Variants in PTPN13 observed in about 807,000 individuals in gnomAD.
The protein encoded by PTPN13 is tyrosine-protein phosphatase non-receptor type 13.
In PTPN13, 191 loss-of-function variants were observed where a neutral mutation model predicts 284.0. The ratio of observed to expected loss-of-function variants is 0.67; its 90% CI spans 0.60 to 0.76. PTPN13 has a LOEUF of 0.76. Ranked by LOEUF, PTPN13 falls within the 30% of genes least tolerant of loss-of-function variation. PTPN13 has a pLI of 0.00. For missense variants in PTPN13, 2,797 were observed against 2,939.9 expected, an observed-to-expected ratio of 0.95 and a Z score of 1.12; for synonymous variants, 986 against 1,022.3, an observed-to-expected ratio of 0.96 and a Z score of 0.68.
chr4:86,612,859 C>T (rs1342712874), intron 1 of PTPN13, among the ~76,000 whole-genome samples: 1 of 152,086 alleles, frequency 6.6e-6, no homozygotes, highest in Non-Finnish European at 1.5e-5. Context: ...AAATTTCTAC[C>T]CAAAGAAAAT....
chr4:86,786,701 T>G (rs1364718673), intron 40 of PTPN13, among the ~76,000 whole-genome samples: 1 of 152,220 alleles, frequency 6.6e-6, no homozygotes, highest in African/African-American at 2.4e-5. Context: ...AAGTCATGAC[T>G]TTATCACATT....
chr4:86,814,089 C>T lies in PTPN13; in HGVS notation c.7363-367C>T, dbSNP rs1400589486. ...GTGGCACAATCTCGGCTCACTGCAA[C>T]CTCCGCCTCCTGTGTCAAGCGATTC... On this transcript the variant is annotated intron_variant, in intron 47 of 47. Transcript: ENST00000411767. Among the ~76,000 whole-genome samples the T allele has an allele frequency of 3.4e-5, 5 of 145,586 alleles. No homozygotes were observed. In the Admixed American group the frequency reaches 3.5e-4, roughly 10 times the overall value.
intron 38 of PTPN13, 112 bp downstream of exon 38, chr4:86,784,670 G>A: frequency 3.0e-6 from 2 of 668,300 alleles, no homozygotes; most frequent in African/African-American, 1.9e-5. Flanking sequence ...TAGCTTTAAA[G>A]GGAAAGATTA....
At chr4:86,760,964 G>C (rs2149242805) in intron 23 of PTPN13, among the ~76,000 whole-genome samples, 1 of 151,478 alleles carries the variant, frequency 6.6e-6, no homozygotes, top group East Asian at 1.9e-4. Context: ...GTTTTTGTTT[G>C]CTAATTTTTA....
intron 6 of PTPN13, among the ~76,000 whole-genome samples, chr4:86,695,240 CAT>C (rs1450281690): frequency 6.6e-6 from 1 of 151,930 alleles, no homozygotes; most frequent in African/African-American, 2.4e-5. Flanking sequence ...TTTTCTAATG[CAT>C]ATATGATTAG....
At chr4:86,630,911 T>C (rs1213169743) in intron 1 of PTPN13, among the ~76,000 whole-genome samples, 1 of 152,200 alleles carries the variant, frequency 6.6e-6, no homozygotes, top group Non-Finnish European at 1.5e-5. Context: ...TAGAATCTCC[T>C]TGTGGCTTTG....
intron 2 of PTPN13, among the ~76,000 whole-genome samples, chr4:86,638,857 G>A (rs1012007514): frequency 6.6e-6 from 1 of 152,114 alleles, no homozygotes; most frequent in Non-Finnish European, 1.5e-5. Flanking sequence ...AAGAGCTTCT[G>A]CACAGCAAAA....
At chr4:86,763,464 G>T (rs879669613) in intron 24 of PTPN13, among the ~76,000 whole-genome samples, 1 of 152,136 alleles carries the variant, frequency 6.6e-6, no homozygotes, top group Admixed American at 6.5e-5. Context: ...CCAGTTGTTT[G>T]TCTCTGGCAT....
At chr4:86,780,524 A>C in intron 36 of PTPN13, 52 bp downstream of exon 36, 2 of 1,216,024 alleles carry the variant, frequency 1.6e-6, no homozygotes, top group Non-Finnish European at 2.4e-6. Context: ...GGAATGTAAA[A>C]TGGCACATCC....
chr4:86,765,026 C>T (rs58965805), intron 25 of PTPN13, among the ~76,000 whole-genome samples: 7,037 of 152,158 alleles, frequency 0.046, 540 homozygotes, highest in African/African-American at 0.16. Flanking sequence ...TTGACAGTTT[C>T]TACGTGAGCA....
Position 86,785,334 on chromosome 4 carries a change from C to G in PTPN13, c.6222C>G (p.Asn2074Lys). The G allele has an allele frequency of 1.9e-6, 3 of 1,611,482 alleles. No individual in the cohort carries two copies. Among genetic ancestry groups the G allele is most frequent in the Non-Finnish European group, 2.5e-6 (3 of 1,178,402 alleles). ...VVDEEAQNLLNENNAAGYSCG... is the reference protein window; with the variant it reads ...VVDEEAQNLLKENNAAGYSCG... ...ATGAGGAAGCCCAGAATCTTTTAAACGAAAATAATGCAGCAGGATACTCCT... is the reference window on the plus strand; with the variant it reads ...ATGAGGAAGCCCAGAATCTTTTAAAGGAAAATAATGCAGCAGGATACTCCT... The change falls in exon 39 of 48, where the codon AAC becomes AAG. Residue 2074 changes from asparagine to lysine, a missense_variant. Coordinates refer to ENST00000411767, the MANE Select transcript of PTPN13 (RefSeq NM_080683.3).
chr4:86,631,280 T>C (rs112703129), intron 1 of PTPN13, among the ~76,000 whole-genome samples: 4,906 of 152,252 alleles, frequency 0.032, 150 homozygotes, highest in Non-Finnish European at 0.05. Context: ...CCCTCCATTT[T>C]CTTTTTTCTT....
At chr4:86,625,238 C>T (rs1578276767) in intron 1 of PTPN13, among the ~76,000 whole-genome samples, 1 of 152,242 alleles carries the variant, frequency 6.6e-6, no homozygotes, top group East Asian at 1.9e-4. Flanking sequence ...CTTGTCTTCT[C>T]TTCCCCTTCT....
At chr4:86,707,539 C>T (rs1731900856) in intron 7 of PTPN13, among the ~76,000 whole-genome samples, 1 of 152,060 alleles carries the variant, frequency 6.6e-6, no homozygotes, top group Admixed American at 6.6e-5. Flanking sequence ...CTTACAGTTA[C>T]GCTTAAGAAA....
chr4:86,667,278 G>A (rs1727192885), intron 2 of PTPN13, among the ~76,000 whole-genome samples: 1 of 151,990 alleles, frequency 6.6e-6, no homozygotes, highest in Admixed American at 6.6e-5. Flanking sequence ...AAACTTAAAT[G>A]TAAAATGTCT....
At chr4:86,669,885 T>A (rs1727542322) in intron 2 of PTPN13, among the ~76,000 whole-genome samples, 1 of 152,132 alleles carries the variant, frequency 6.6e-6, no homozygotes, top group Admixed American at 6.5e-5. Context: ...CAATCTGGAA[T>A]TAGCCATGAC....
chr4:86,751,447 G>A (rs924860984), intron 19 of PTPN13, among the ~76,000 whole-genome samples: 2 of 152,058 alleles, frequency 1.3e-5, no homozygotes, highest in Non-Finnish European at 2.9e-5. Flanking sequence ...TCAGCCTCCT[G>A]AATAGCTGTG....
rs1739784773 is a variant in PTPN13 at position 86,769,895 on chromosome 4, G to T, written c.4616G>T (p.Gly1539Val). 6.2e-7 allele frequency: 1 copy of T among 1,613,792 alleles called. No individual in the cohort carries two copies. The highest frequency in any genetic ancestry group is 1.7e-5 in the Admixed American group (1 of 60,004). ...GTAAGGGTTAAAAAGCTCTTTCCTG[G>T]ACAGCCAGCAGCAGAAAGTGGAAAA... ...SIVRVKKLFP[G>V]QPAAESGKID... is the part of the protein sequence containing the mutation. Residue 1539 changes from glycine to valine, a missense_variant, in exon 29 of 48, where the codon GGA becomes GTA. Gly to Val is a moderately radical substitution (Grantham distance 109). Coordinates refer to ENST00000411767, the MANE Select transcript of PTPN13 (RefSeq NM_080683.3).
At chr4:86,806,663 A>G (rs1291895174) in intron 44 of PTPN13, among the ~76,000 whole-genome samples, 1 of 152,228 alleles carries the variant, frequency 6.6e-6, no homozygotes, top group Non-Finnish European at 1.5e-5. Context: ...CACAAAACAA[A>G]TGACCAGTAT....
Sources: gnomAD v4.1 joint callset for allele counts (sites outside exome capture counted in the v4.1 genomes callset) on GRCh38, gnomAD v4.1.1 for gene constraint, MANE v1.5 for transcripts, NCBI Gene and HGNC (gene_info 2026-07-23, HGNC 2026-07-21) for gene names.